TCF4: variants seen among roughly 807,000 people sequenced by gnomAD.
The protein encoded by TCF4 is transcription factor 4, also known as SL3-3 enhancer factor 2.
Under a neutral mutation model 82.1 loss-of-function variants are expected in TCF4, and 3 were observed. That is an observed-to-expected ratio of 0.04 (90% CI 0.02 to 0.09). TCF4 has a LOEUF of 0.09. Among genes scored for constraint, TCF4 ranks in the 10% least tolerant of loss-of-function variants. The pLI is 1.00. For synonymous variants in TCF4, 276 were observed against 309.6 expected (o/e 0.89, Z 1.14); for missense variants, 518 against 852.7 (o/e 0.61, Z 4.89).
chr18:55,403,175 C>T (rs1198834200), intron 6 of TCF4, among the ~76,000 whole-genome samples: 1 of 152,078 alleles, frequency 6.6e-6, no homozygotes, highest in East Asian at 1.9e-4. Flanking sequence ...CCACTTTCAC[C>T]GACATTGCTG....
intron 5 of TCF4, among the ~76,000 whole-genome samples, chr18:55,414,007 CA>C (rs1267389758): frequency 6.6e-6 from 1 of 151,974 alleles, no homozygotes; most frequent in African/African-American, 2.4e-5. Context: ...GACTAAATAC[CA>C]GGAGTAACAC....
At chr18:55,401,740 G>A (rs1264856848) in intron 6 of TCF4, 13 of 985,914 alleles carry the variant, frequency 1.3e-5, no homozygotes, top group Non-Finnish European at 1.6e-5. Flanking sequence ...TTACTCAGCA[G>A]AGGAAATCTT....
chr18:55,531,332 A>T (rs4458089), intron 3 of TCF4, among the ~76,000 whole-genome samples: 102,424 of 152,004 alleles, frequency 0.67, 34,877 homozygotes, highest in East Asian at 0.93. Context: ...CTCTAAGGAT[A>T]GGTACTGTGA....
intron 4 of TCF4, among the ~76,000 whole-genome samples, chr18:55,462,345 A>G (rs1375080423): frequency 6.6e-6 from 1 of 152,170 alleles, no homozygotes. Flanking sequence ...ATAGTGTACT[A>G]AAAGCTTAAT....
At chr18:55,591,101 G>A (rs2097684657), upstream of TCF4, 1 of 152,134 alleles carries the variant, frequency 6.6e-6, no homozygotes, top group Non-Finnish European at 1.5e-5. Flanking sequence ...ATCAATTTCG[G>A]CGATCTTTTA....
intron 2 of TCF4, among the ~76,000 whole-genome samples, chr18:55,600,152 G>A (rs554437553): frequency 2.0e-5 from 3 of 152,128 alleles, no homozygotes; most frequent in Non-Finnish European, 4.4e-5. Context: ...GTTACTATGA[G>A]TAGAGCTGCC....
At chr18:55,327,103 T>C (rs1328928005) in intron 8 of TCF4, among the ~76,000 whole-genome samples, 1 of 152,172 alleles carries the variant, frequency 6.6e-6, no homozygotes, top group African/African-American at 2.4e-5. Flanking sequence ...CCATATTTCT[T>C]TGTATTGAAA....
At chr18:55,417,781 T>C (rs531393483) in intron 5 of TCF4, among the ~76,000 whole-genome samples, 1 of 152,284 alleles carries the variant, frequency 6.6e-6, no homozygotes, top group Admixed American at 6.5e-5. Flanking sequence ...CAGAGGAAGA[T>C]AAAATTGATA....
chr18:55,527,023 T>C (rs1016840099), intron 3 of TCF4, among the ~76,000 whole-genome samples: 1 of 152,154 alleles, frequency 6.6e-6, no homozygotes, highest in African/African-American at 2.4e-5. Context: ...TTTTTCACTC[T>C]AGAAGCGTAA....
At chr18:55,419,058 T>C (rs1459216212) in intron 5 of TCF4, among the ~76,000 whole-genome samples, 2 of 152,184 alleles carry the variant, frequency 1.3e-5, no homozygotes, top group African/African-American at 4.8e-5. Flanking sequence ...GTCCAGATGG[T>C]AAAATAACAC....
intron 3 of TCF4, among the ~76,000 whole-genome samples, chr18:55,558,465 ATAAG>A (rs2097324784): frequency 6.6e-6 from 1 of 152,228 alleles, no homozygotes; most frequent in Non-Finnish European, 1.5e-5. Flanking sequence ...AAACTAGAAA[ATAAG>A]TAACAACAAT....
chr18:55,582,194 T>A (rs1391619466), intron 3 of TCF4, among the ~76,000 whole-genome samples: 1 of 152,108 alleles, frequency 6.6e-6, no homozygotes, highest in African/African-American at 2.4e-5. Context: ...CTTTAGATGA[T>A]TTTCTTTTTT....
At chr18:55,379,432 G>C (rs953361102) in intron 6 of TCF4, among the ~76,000 whole-genome samples, 3 of 152,090 alleles carry the variant, frequency 2.0e-5, no homozygotes, top group Non-Finnish European at 4.4e-5. Flanking sequence ...TACATCTCAG[G>C]GTAGCAGAGA....
intron 3 of TCF4, among the ~76,000 whole-genome samples, chr18:55,514,215 T>G (rs893798368): frequency 6.6e-6 from 1 of 152,148 alleles, no homozygotes; most frequent in African/African-American, 2.4e-5. Context: ...TAATGAACAC[T>G]GACATTCTTC....
chr18:55,518,860 A>C (rs1020908004), intron 3 of TCF4: 1 of 152,090 alleles, frequency 6.6e-6, no homozygotes, highest in African/African-American at 2.4e-5. Flanking sequence ...ATTATCCAAC[A>C]TTTTAACAAG....
intron 2 of TCF4, among the ~76,000 whole-genome samples, chr18:55,625,004 C>T (rs907890791): frequency 1.3e-5 from 2 of 152,114 alleles, no homozygotes; most frequent in African/African-American, 2.4e-5. Flanking sequence ...CAAAGTACTA[C>T]AGATTGTTTC....
intron 15 of TCF4, 41 bp from the exon 16 acceptor site, chr18:55,234,724 G>A: frequency 1.9e-6 from 3 of 1,613,388 alleles, no homozygotes; most frequent in South Asian, 1.1e-5. Context: ...GCAGGAACCG[G>A]AGGTGCGACA....
chr18:55,473,466 C>T (rs2096229390), intron 3 of TCF4, among the ~76,000 whole-genome samples: 1 of 152,106 alleles, frequency 6.6e-6, no homozygotes, highest in African/African-American at 2.4e-5. Context: ...TTTACATATT[C>T]AAAACTCCTC....
At chr18:55,430,213 G>A (rs1162083799) in intron 5 of TCF4, among the ~76,000 whole-genome samples, 5 of 152,120 alleles carry the variant, frequency 3.3e-5, no homozygotes, top group African/African-American at 9.7e-5. Flanking sequence ...AACAGATCCC[G>A]TTGCATTTTC....
Sources: allele counts gnomAD v4.1 joint callset (sites outside exome capture counted in the v4.1 genomes callset), GRCh38; gene constraint gnomAD v4.1.1; transcripts MANE v1.5; gene names NCBI Gene and HGNC (gene_info 2026-07-23, HGNC 2026-07-21).